The following PCDHGB4 variants were observed in gnomAD, a reference collection of about 807,000 sequenced individuals.
The protein encoded by PCDHGB4 is protocadherin gamma-B4.
Under a neutral mutation model 60.5 loss-of-function variants are expected in PCDHGB4, and 38 were observed. That is an observed-to-expected ratio of 0.63 (90% CI 0.48 to 0.82). The LOEUF (loss-of-function observed/expected upper bound fraction) is 0.82. PCDHGB4 is among the 40% of genes least tolerant of loss of function. PCDHGB4 has a pLI of 0.00. For synonymous variants in PCDHGB4, 456 were observed against 509.7 expected (o/e 0.89, Z 1.42); for missense variants, 1,109 against 1,209.6 (o/e 0.92, Z 1.23).
intron 1 of PCDHGB4, among the ~76,000 whole-genome samples, chr5:141,481,245 T>C (rs1362728826): frequency 6.6e-6 from 1 of 152,194 alleles, no homozygotes; most frequent in East Asian, 1.9e-4. Context: ...TTACATAGCA[T>C]AGCTCTAAAA....
intron 1 of PCDHGB4, chr5:141,408,334 C>T (rs2095086638): frequency 1.2e-6 from 2 of 1,613,910 alleles, no homozygotes; most frequent in East Asian, 2.2e-5. Context: ...TGGCCAAGGG[C>T]TCGGTGGTGG....
Position 141,487,356 on chromosome 5 carries a change from C to A in PCDHGB4, c.2398-7451C>A. On this transcript the variant is annotated intron_variant, in intron 1 of 3. Coordinates refer to ENST00000519479, the MANE Select transcript of PCDHGB4 (RefSeq NM_003736.4). The surrounding 1 kb of genome is among the most constrained non-coding windows in gnomAD (Gnocchi z 5.0). ...GCCTGTGGAGTCACATGCTTTCCTG[C>A]TGGCACCTGTGCCTGTCTCACCAGA... 1 of 1,614,220 alleles carries A rather than the reference C, an allele frequency of 6.2e-7. No individual in the cohort carries two copies. The highest frequency in any genetic ancestry group is 8.5e-7 in the Non-Finnish European group (1 of 1,180,042).
In PCDHGB4 at chr5:141,470,146, A is replaced by G. The variant is rs181633492; in HGVS notation, c.2398-24661A>G. On this transcript the variant is annotated intron_variant, in intron 1 of 3. Coordinates refer to ENST00000519479, the MANE Select transcript of PCDHGB4 (RefSeq NM_003736.4). ...TTCGTCTCAAAAAAAAAGATCATAG[A>G]TCATCTTATCAAATCAAAGTATGCA... Among the ~76,000 whole-genome samples, 102 of 152,308 alleles carry G rather than the reference A, an allele frequency of 6.7e-4. 2 individuals carry two copies. Among genetic ancestry groups the G allele is most frequent in the African/African-American group, 2.4e-3 (99 of 41,558 alleles).
At chr5:141,407,559 G>A (rs1210777840) in intron 1 of PCDHGB4, among the ~76,000 whole-genome samples, 1 of 151,834 alleles carries the variant, frequency 6.6e-6, no homozygotes, top group African/African-American at 2.4e-5. Context: ...TAGAACATAA[G>A]CTGAAAGATA....
rs1222364302 is a variant in PCDHGB4, at chr5:141,414,920, C to T, written c.2397+24639C>T. On this transcript the variant is annotated intron_variant, in intron 1 of 3. Coordinates refer to ENST00000519479, the MANE Select transcript of PCDHGB4 (RefSeq NM_003736.4). ...GACGGTTCCACAGGCGTGGAGCTGG[C>T]GCCCCGCTCCGCAGAGCCCGGCTAC... 2.5e-6 allele frequency: 4 copies of T among 1,614,146 alleles called. No individual in the cohort carries two copies. The South Asian group carries it at 3.3e-5, about 13-fold the overall frequency.
chr5:141,400,102 G>A (rs376189143), intron 1 of PCDHGB4: 2 of 1,614,084 alleles, frequency 1.2e-6, no homozygotes, highest in Non-Finnish European at 1.7e-6. Context: ...GCTGCACTTG[G>A]TCTTTGCTGA....
chr5:141,419,177 C>G (rs1223789288), intron 1 of PCDHGB4: 3 of 1,613,980 alleles, frequency 1.9e-6, no homozygotes, highest in Non-Finnish European at 2.5e-6. Flanking sequence ...AACCATAACC[C>G]TGCACATTAC....
At chr5:141,427,678 C>T in intron 1 of PCDHGB4, 1 of 822,634 alleles carries the variant, frequency 1.2e-6, no homozygotes, top group Non-Finnish European at 2.0e-6. Flanking sequence ...AACAACCTTC[C>T]CGGAGCCTCC....
intron 1 of PCDHGB4, chr5:141,410,094 C>G: frequency 6.2e-7 from 1 of 1,612,646 alleles, no homozygotes; most frequent in Non-Finnish European, 8.5e-7. Context: ...ACGGCTCGAG[C>G]CTTAGGCGAC....
chr5:141,435,795 G>A (rs150143106), intron 1 of PCDHGB4, among the ~76,000 whole-genome samples: 16 of 152,032 alleles, frequency 1.1e-4, no homozygotes, highest in Admixed American at 2.0e-4. Flanking sequence ...GAAACATAAC[G>A]TCCCAATTAT....
In PCDHGB4 at chr5:141,486,432, G is replaced by T; in HGVS notation, c.2398-8375G>T. On this transcript the variant is annotated intron_variant, in intron 1 of 3. Coordinates refer to ENST00000519479, the MANE Select transcript of PCDHGB4 (RefSeq NM_003736.4). This position sits in a 1 kb window ranked among gnomAD's most constrained non-coding sequence, Gnocchi z 5.0. ...CCCTTGGATCGAGAGGCCAAATCTA[G>T]CTATGACATCATGGTCACTGCTTCT... 4 of 1,614,172 alleles carry T rather than the reference G, an allele frequency of 2.5e-6. No homozygotes were observed. Among genetic ancestry groups the T allele is most frequent in the Non-Finnish European group, 2.5e-6 (3 of 1,180,020 alleles).
At position 141,461,820 on chromosome 5, in the gene PCDHGB4, AT is replaced by A. The variant is rs1458631685; in HGVS notation, c.2398-32978del. Among the ~76,000 whole-genome samples the A allele has an allele frequency of 8.1e-5, 12 of 147,918 alleles. 1 individual carries two copies. In the South Asian group the frequency reaches 1.3e-3, roughly 16 times the overall value. On this transcript the variant is annotated intron_variant, in intron 1 of 3. Transcript: ENST00000519479. ...AGGTGCCCACCACCACACCCAGCTAATTTTTTTTTCTTTTTTTTTTGAGACA... is the reference window on the plus strand; with the variant it reads ...AGGTGCCCACCACCACACCCAGCTAATTTTTTTTCTTTTTTTTTTGAGACA...
At chr5:141,421,548 G>C in intron 1 of PCDHGB4, 1 of 1,613,984 alleles carries the variant, frequency 6.2e-7, no homozygotes, top group Non-Finnish European at 8.5e-7. Flanking sequence ...TTTTAAATAT[G>C]GAACTTCTCG....
At chr5:141,422,318 G>A (rs778935746) in intron 1 of PCDHGB4, 10 of 1,548,110 alleles carry the variant, frequency 6.5e-6, no homozygotes, top group Non-Finnish European at 7.8e-6. Context: ...TCTCCTCCAG[G>A]TACAGTGATT....
intron 2 of PCDHGB4, among the ~76,000 whole-genome samples, chr5:141,498,963 GGGAGGGAGGGAAGGAAGGAA>G (rs1472475865): frequency 5.7e-4 from 74 of 129,970 alleles, no homozygotes; most frequent in Non-Finnish European, 2.6e-4. Flanking sequence ...GAGAGAGGGA[GGGAGGGAGGGAAGGAAGGAA>G]GGAAGGAAGG....
Position 141,512,574 on chromosome 5 carries a change from C to G in PCDHGB4, c.*1401C>G, listed in dbSNP as rs1429371202. 2 of 152,884 alleles carry G rather than the reference C, an allele frequency of 1.3e-5. No homozygotes were observed. Among genetic ancestry groups the G allele is most frequent in the South Asian group, 2.1e-4 (1 of 4,836 alleles). 9.5% of individuals were successfully genotyped at this position (152,884 alleles called of 1,614,324 possible). On this transcript the variant is annotated 3_prime_UTR_variant, in exon 4 of 4. Transcript: ENST00000519479. ...GTGCATAGACCTTCTTCTCCCACCC[C>G]CTTCTGCCCCTGGGTCCCCGGCCAT...
chr5:141,426,848 C>T (rs1379697529), intron 1 of PCDHGB4: 3 of 456,552 alleles, frequency 6.6e-6, no homozygotes, highest in Admixed American at 4.7e-5. Context: ...AAGGCAAGAA[C>T]GCTCCAGAAT....
chr5:141,402,616 A>G (rs974813396), intron 1 of PCDHGB4, among the ~76,000 whole-genome samples: 1 of 152,256 alleles, frequency 6.6e-6, no homozygotes, highest in African/African-American at 2.4e-5. Flanking sequence ...AAATGCAAGA[A>G]ACAATTGGAG....
chr5:141,484,334 A>G (rs988395353), intron 1 of PCDHGB4, among the ~76,000 whole-genome samples: 3 of 152,192 alleles, frequency 2.0e-5, no homozygotes, highest in East Asian at 1.9e-4. Context: ...CTTGAAATCA[A>G]TGAATGGTAA....
Sources: gnomAD v4.1 joint callset for allele counts (sites outside exome capture counted in the v4.1 genomes callset) on GRCh38, gnomAD v4.1.1 for gene constraint, Gnocchi (gnomAD v3.1) non-coding constraint, MANE v1.5 for transcripts, NCBI Gene and HGNC (gene_info 2026-07-23, HGNC 2026-07-21) for gene names.